NTM: variants seen among roughly 807,000 people sequenced by gnomAD.
The protein encoded by NTM is IgLON family member 2.
NTM carries 13 observed loss-of-function variants against 42.1 expected under a neutral mutation model. The ratio of observed to expected loss-of-function variants is 0.31; its 90% CI spans 0.20 to 0.49. The LOEUF (loss-of-function observed/expected upper bound fraction) is 0.49. NTM is among the 20% of genes least tolerant of loss of function. The probability of loss-of-function intolerance (pLI) is 0.99; values close to 1 mark genes in which losing one functional copy is unlikely to be tolerated. For missense variants in NTM, 373 were observed against 452.8 expected (o/e 0.82, Z 1.60); for synonymous variants, 187 against 179.2 (o/e 1.04, Z -0.35).
chr11:132,285,771 A>G (rs1267640534), intron 4 of NTM, among the ~76,000 whole-genome samples: 2 of 152,126 alleles, frequency 1.3e-5, no homozygotes, highest in Non-Finnish European at 2.9e-5. Flanking sequence ...TGCTCTGGCC[A>G]TATTTACTGC....
At chr11:131,429,249 G>C (rs930372260) in intron 1 of NTM, among the ~76,000 whole-genome samples, 1 of 152,158 alleles carries the variant, frequency 6.6e-6, no homozygotes, top group Admixed American at 6.5e-5. Flanking sequence ...AGATGCCAAG[G>C]GAGGGGGTAG....
intron 1 of NTM, among the ~76,000 whole-genome samples, chr11:131,639,342 CTT>C (rs1191185700): frequency 2.6e-5 from 4 of 152,204 alleles, no homozygotes; most frequent in Non-Finnish European, 4.4e-5. Flanking sequence ...GCCTTCCTCT[CTT>C]TGCTGATAGC....
chr11:131,758,857 G>A (rs1416105226), intron 1 of NTM, among the ~76,000 whole-genome samples: 2 of 152,008 alleles, frequency 1.3e-5, no homozygotes, highest in Non-Finnish European at 2.9e-5. Context: ...CTCCCAAATT[G>A]CGAGGATTAC....
At chr11:131,460,280 A>AT (rs907378457) in intron 1 of NTM, among the ~76,000 whole-genome samples, 1 of 151,672 alleles carries the variant, frequency 6.6e-6, no homozygotes, top group Non-Finnish European at 1.5e-5. Flanking sequence ...GATTTCAAAT[A>AT]TTTTGAAATC....
intron 4 of NTM, among the ~76,000 whole-genome samples, chr11:132,213,168 C>T (rs544669479): frequency 1.3e-5 from 2 of 152,132 alleles, no homozygotes; most frequent in Non-Finnish European, 1.5e-5. Flanking sequence ...ATATATGTGC[C>T]GGTGTGCACA....
chr11:131,390,589 G>A (rs1229657849), intron 1 of NTM, among the ~76,000 whole-genome samples: 24 of 152,120 alleles, frequency 1.6e-4, no homozygotes, highest in Non-Finnish European at 1.5e-5. Flanking sequence ...TTGAGGTCGG[G>A]GTGGAGAAGG....
At chr11:132,320,610 C>A (rs928235958) in intron 7 of NTM, among the ~76,000 whole-genome samples, 9 of 152,208 alleles carry the variant, frequency 5.9e-5, no homozygotes, top group African/African-American at 2.2e-4. Context: ...GGGGTGCCCG[C>A]CATTGCCCAG....
intron 4 of NTM, among the ~76,000 whole-genome samples, chr11:132,245,618 C>T (rs1374102471): frequency 5.3e-5 from 8 of 152,100 alleles, no homozygotes; most frequent in Non-Finnish European, 1.0e-4. Context: ...TTCTGTACGA[C>T]GGCCTGCAGT....
intron 1 of NTM, among the ~76,000 whole-genome samples, chr11:131,779,347 C>T (rs1023337583): frequency 2.6e-5 from 4 of 152,114 alleles, no homozygotes; most frequent in East Asian, 1.9e-4. Flanking sequence ...ACTGCCTAGT[C>T]GGTGATAATT....
intron 1 of NTM, among the ~76,000 whole-genome samples, chr11:131,749,018 C>T (rs1161567765): frequency 6.6e-6 from 1 of 152,234 alleles, no homozygotes; most frequent in Non-Finnish European, 1.5e-5. Context: ...CATATGTCCT[C>T]AGCACTTAGA....
intron 1 of NTM, among the ~76,000 whole-genome samples, chr11:131,878,620 T>A (rs796233618): frequency 0.026 from 1,389 of 52,954 alleles, 340 homozygotes; most frequent in Non-Finnish European, 0.032. Flanking sequence ...TATATATATA[T>A]ATATATATAT....
intron 2 of NTM, among the ~76,000 whole-genome samples, chr11:132,006,019 C>A (rs2070687454): frequency 6.6e-6 from 1 of 152,200 alleles, no homozygotes; most frequent in Admixed American, 6.5e-5. Context: ...GACATCTCTG[C>A]ATTATTATCT....
intron 2 of NTM, among the ~76,000 whole-genome samples, chr11:131,933,642 G>T (rs539916764): frequency 6.6e-6 from 1 of 151,972 alleles, no homozygotes; most frequent in African/African-American, 2.4e-5. Flanking sequence ...TTAAGTTAGT[G>T]CTTTAGTGTC....
chr11:131,555,849 C>A (rs2055335150), intron 1 of NTM, among the ~76,000 whole-genome samples: 1 of 152,112 alleles, frequency 6.6e-6, no homozygotes, highest in South Asian at 2.1e-4. Flanking sequence ...AGGGAACTGA[C>A]TGAGTAGAGA....
intron 1 of NTM, among the ~76,000 whole-genome samples, chr11:131,585,715 G>A: frequency 6.6e-6 from 1 of 152,126 alleles, no homozygotes; most frequent in Middle Eastern, 3.2e-3. Flanking sequence ...CACCGAGATA[G>A]AAGTAAGTGT....
At chr11:131,472,513 GT>G (rs1952532628) in intron 1 of NTM, among the ~76,000 whole-genome samples, 1 of 152,148 alleles carries the variant, frequency 6.6e-6, no homozygotes, top group African/African-American at 2.4e-5. Context: ...GTGTATGTGT[GT>G]TGGATGTGGC....
chr11:131,918,396 G>A (rs995520349), intron 2 of NTM, among the ~76,000 whole-genome samples: 3 of 152,162 alleles, frequency 2.0e-5, no homozygotes, highest in African/African-American at 7.2e-5. Context: ...CATTCCATGT[G>A]GGACAGCTGT....
intron 1 of NTM, among the ~76,000 whole-genome samples, chr11:131,860,180 C>T (rs555367785): frequency 6.6e-6 from 1 of 152,156 alleles, no homozygotes; most frequent in Non-Finnish European, 1.5e-5. Context: ...AGTGAGACAG[C>T]CTTCACTGAG....
At chr11:132,217,803 C>A (rs2084228460) in intron 4 of NTM, among the ~76,000 whole-genome samples, 1 of 139,660 alleles carries the variant, frequency 7.2e-6, no homozygotes, top group East Asian at 2.0e-4. Context: ...TTGATGGAGG[C>A]AAAGTGACAC....
Sources: allele counts gnomAD v4.1 joint callset (sites outside exome capture counted in the v4.1 genomes callset), GRCh38; gene constraint gnomAD v4.1.1; transcripts MANE v1.5; gene names NCBI Gene and HGNC (gene_info 2026-07-23, HGNC 2026-07-21).